Variants in ARHGAP12 observed in about 807,000 individuals in gnomAD.
ARHGAP12 encodes Rho GTPase activating protein 12.
ARHGAP12 carries 64 observed loss-of-function variants against 108.6 expected under a neutral mutation model. That is an observed-to-expected ratio of 0.59 (90% confidence interval 0.48 to 0.73). The LOEUF (loss-of-function observed/expected upper bound fraction) is 0.73. Among genes scored for constraint, ARHGAP12 ranks in the 30% least tolerant of loss-of-function variants. The probability of loss-of-function intolerance (pLI) is 0.00; values close to 1 mark genes in which losing one functional copy is unlikely to be tolerated. For synonymous variants in ARHGAP12, 312 were observed against 337.2 expected (o/e 0.93, Z 0.82); for missense variants, 940 against 1,005.9 (o/e 0.93, Z 0.89).
chr10:31,821,511 T>C (rs7898660), intron 11 of ARHGAP12, among the ~76,000 whole-genome samples: 1,527 of 152,276 alleles, frequency 0.01, 21 homozygotes, highest in African/African-American at 0.035. Flanking sequence ...CTACAGAGAA[T>C]TTCATTTGCT....
intron 1 of ARHGAP12, among the ~76,000 whole-genome samples, chr10:31,914,160 T>C (rs138508174): frequency 5.9e-4 from 90 of 152,340 alleles, no homozygotes; most frequent in African/African-American, 2.1e-3. Flanking sequence ...CAATTTTTTA[T>C]TAAGAAAATA....
chr10:31,862,616 T>C (rs1186389513), intron 3 of ARHGAP12, among the ~76,000 whole-genome samples: 2 of 151,972 alleles, frequency 1.3e-5, no homozygotes, highest in African/African-American at 4.8e-5. Flanking sequence ...ACAAAGTTAT[T>C]TGTTGTAAGG....
At chr10:31,897,555 C>A (rs1044709469) in intron 3 of ARHGAP12, among the ~76,000 whole-genome samples, 6 of 152,138 alleles carry the variant, frequency 3.9e-5, no homozygotes, top group Admixed American at 1.3e-4. Context: ...TAAGTAGATA[C>A]TAAGGAAAAT....
intron 14 of ARHGAP12, among the ~76,000 whole-genome samples, chr10:31,813,237 TTGAA>T (rs917014802): frequency 1.2e-4 from 19 of 152,124 alleles, no homozygotes; most frequent in African/African-American, 4.6e-4. Context: ...CCTATCTTCA[TTGAA>T]TAAGAAAACT....
At position 31,814,310 on chromosome 10, in the gene ARHGAP12, T is replaced by C. The variant is rs752391248; in HGVS notation, c.1783A>G (p.Ile595Val). The change falls in exon 14 of 20, where the codon ATA (isoleucine) becomes GTA (valine). Residue 595 changes from isoleucine (I) to valine (V), a missense_variant. Coordinates refer to ENST00000344936, the MANE Select transcript of ARHGAP12 (RefSeq NM_018287.7). ...TCCTTTTCTTTATCATGCTTTTCTA[T>C]TCCTGGTGAATCCGGTATCTCCTCT... ...IEEEIPDSPG[I>V]EKHDKEKEQK... 1.1e-5 allele frequency: 18 copies of C among 1,614,014 alleles called. No individual in the cohort carries two copies. The highest frequency in any genetic ancestry group is 1.5e-5 in the Non-Finnish European group (18 of 1,179,998).
At chr10:31,851,648 G>C (rs1836683094) in intron 6 of ARHGAP12, among the ~76,000 whole-genome samples, 1 of 152,142 alleles carries the variant, frequency 6.6e-6, no homozygotes, top group African/African-American at 2.4e-5. Flanking sequence ...TGAAAGGCCA[G>C]ATAGCATTCA....
intron 3 of ARHGAP12, among the ~76,000 whole-genome samples, chr10:31,865,804 G>C (rs1319209771): frequency 6.6e-6 from 1 of 151,898 alleles, no homozygotes; most frequent in East Asian, 1.9e-4. Context: ...CGTGAACCCA[G>C]GAGGCAGAGC....
chr10:31,859,126 T>C (rs1281603276), intron 4 of ARHGAP12, among the ~76,000 whole-genome samples: 1 of 151,908 alleles, frequency 6.6e-6, no homozygotes, highest in Non-Finnish European at 1.5e-5. Context: ...AAGGGAAAAA[T>C]ACTAAGATTC....
rs912220920 is a variant in ARHGAP12, at chr10:31,877,628, G to A, written c.685-15970C>T. Among the ~76,000 whole-genome samples the A allele has an allele frequency of 3.9e-5, 6 of 152,242 alleles. No homozygotes were observed. The East Asian group carries it at 7.7e-4, about 20-fold the overall frequency. ...ACTACTTTAACTAAAAAGTGAAATCGTTTTCTACAAAACAAGGTTTGATCC... is the reference window on the plus strand; with the variant it reads ...ACTACTTTAACTAAAAAGTGAAATCATTTTCTACAAAACAAGGTTTGATCC... On this transcript the variant is annotated intron_variant, in intron 3 of 19. Coordinates refer to ENST00000344936, the MANE Select transcript of ARHGAP12 (RefSeq NM_018287.7).
Position 31,908,319 on chromosome 10 carries a change from A to G in ARHGAP12, c.537T>C (p.His179=), listed in dbSNP as rs1839218798. The stretch of plus-strand genomic sequence containing the variant: ...CATCCAAGAACTCTGGACCGGGAAA[A>G]TGACCAAATGAGCGTGTCCTATTCT... The part of the protein sequence containing the change: ...SSQNRTRSFG[H]FPGPEFLDVE... Residue 179 remains histidine, a synonymous_variant, in exon 3 of 20, where the codon CAT becomes CAC. Transcript: ENST00000344936. The G allele has an allele frequency of 6.2e-7, 1 of 1,614,028 alleles. No individual in the cohort carries two copies.
intron 1 of ARHGAP12, among the ~76,000 whole-genome samples, chr10:31,918,391 C>T (rs111561019): frequency 1.0e-3 from 155 of 150,758 alleles, no homozygotes; most frequent in African/African-American, 3.5e-3. Context: ...CCCAACAGGA[C>T]GGCTATCATT....
intron 1 of ARHGAP12, among the ~76,000 whole-genome samples, chr10:31,927,987 A>G (rs746548894): frequency 7.9e-5 from 12 of 152,226 alleles, no homozygotes; most frequent in Non-Finnish European, 1.5e-4. Context: ...ATGCACGTCC[A>G]TCCAGCAGGG....
intron 3 of ARHGAP12, among the ~76,000 whole-genome samples, chr10:31,862,696 GCACACACAGACACACACACACACA>G (rs1273722718): frequency 4.9e-5 from 6 of 122,268 alleles, no homozygotes; most frequent in African/African-American, 1.2e-4. Flanking sequence ...AGTGGCGCAT[GCACACACAGACACACACACACACA>G]CACACACACA....
rs776028714 is a variant in ARHGAP12 at position 31,809,108 on chromosome 10, C to T, written c.2149G>A (p.Asp717Asn). Residue 717 changes from aspartate to asparagine, a missense_variant, in exon 18 of 20, where the codon GAC becomes AAC. By Grantham distance (23) the Asp-to-Asn change is conservative (BLOSUM62 1). Transcript: ENST00000344936. ...VNHDEKLDLNDSKWEDIHVIT... is the reference protein window; with the variant it reads ...VNHDEKLDLNNSKWEDIHVIT... ...ACATGAATATCTTCCCATTTACTGT[C>T]ATTCAAGTCCAATTTCTCATCTGAA... The T allele has an allele frequency of 3.1e-6, 5 of 1,613,288 alleles. No individual in the cohort carries two copies. In the Admixed American group the frequency reaches 6.7e-5, roughly 22 times the overall value.
chr10:31,918,315 T>A (rs1592383872), intron 1 of ARHGAP12, among the ~76,000 whole-genome samples: 1 of 139,968 alleles, frequency 7.1e-6, no homozygotes, highest in Admixed American at 7.2e-5. Context: ...ATTAGGGAAA[T>A]CACACACACA....
At position 31,843,560 on chromosome 10, in the gene ARHGAP12, T is replaced by C; in HGVS notation, c.1197A>G (p.Arg399=). 6.2e-7 allele frequency: 1 copy of C among 1,609,172 alleles called. No individual in the cohort carries two copies. Among genetic ancestry groups the C allele is most frequent in the Non-Finnish European group, 8.5e-7 (1 of 1,178,610 alleles). The part of the protein sequence containing the change: ...PKYNASSQQQ[R]EIIKSRSLDR... ...CCAGGCTCCTACTTTTAATTATTTCTCTTTGCTGCTGGGATGAAGCATTAT... is the reference window on the plus strand; with the variant it reads ...CCAGGCTCCTACTTTTAATTATTTCCCTTTGCTGCTGGGATGAAGCATTAT... Residue 399 remains arginine (R), a synonymous_variant, in exon 7 of 20, where the codon AGA becomes AGG. Transcript: ENST00000344936.
chr10:31,928,044 G>C (rs868243172), intron 1 of ARHGAP12, among the ~76,000 whole-genome samples: 2 of 152,214 alleles, frequency 1.3e-5, no homozygotes, highest in Non-Finnish European at 2.9e-5. Flanking sequence ...CCGGTTTAAG[G>C]TCAACAGTCC....
chr10:31,861,093 G>C (rs780299468), intron 4 of ARHGAP12, among the ~76,000 whole-genome samples: 12 of 152,158 alleles, frequency 7.9e-5, no homozygotes, highest in Non-Finnish European at 1.8e-4. Context: ...AATATCATCG[G>C]CTTGTGCAGT....
rs1168676902 is a variant in ARHGAP12 at position 31,854,137 on chromosome 10, G to A, written c.1018C>T (p.Pro340Ser). The A allele has an allele frequency of 6.2e-7, 1 of 1,613,884 alleles. No individual in the cohort carries two copies. Among genetic ancestry groups the A allele is most frequent in the Admixed American group, 1.7e-5 (1 of 60,002 alleles). Residue 340 changes from proline to serine, a missense_variant, in exon 5 of 20, where the codon CCA becomes TCA. Transcript: ENST00000344936. The part of the protein sequence containing the change: ...SQSDSQCGSP[P>S]RGWSEELDER... Reference sequence around the variant, plus strand: ...TCCAACTCTTCTGACCAACCCCTTGGAGGAGAACCACACTGACTATCTGAC... The same window carrying A: ...TCCAACTCTTCTGACCAACCCCTTGAAGGAGAACCACACTGACTATCTGAC...
Sources: allele counts gnomAD v4.1 joint callset (sites outside exome capture counted in the v4.1 genomes callset), GRCh38; gene constraint gnomAD v4.1.1; transcripts MANE v1.5; gene names NCBI Gene and HGNC (gene_info 2026-07-23, HGNC 2026-07-21).